BSN: variants seen among roughly 807,000 people sequenced by gnomAD.
BSN encodes bassoon presynaptic cytomatrix protein.
Under a neutral mutation model 264.8 loss-of-function variants are expected in BSN, and 57 were observed. That is an observed-to-expected ratio of 0.22 (90% CI 0.17 to 0.27). The LOEUF (loss-of-function observed/expected upper bound fraction) is 0.27, where lower values mean the gene tolerates loss of function less well. Among genes scored for constraint, BSN ranks in the 10% least tolerant of loss-of-function variants. BSN has a pLI of 1.00. For missense variants in BSN, 4,615 were observed against 5,232.5 expected (o/e 0.88, Z 3.64); for synonymous variants, 2,059 against 2,137.3 (o/e 0.96, Z 1.01).
At position 49,625,640 on chromosome 3, in the gene BSN, C is replaced by T. The variant is rs569265198; in HGVS notation, c.633+257C>T. On this transcript the variant is annotated intron_variant, in intron 2 of 11. Transcript: ENST00000296452. The surrounding 1 kb of genome is among the most constrained non-coding windows in gnomAD (Gnocchi z 4.4). ...CTGAGAGTAGAAGATACTTTCTAACCTGGTCCAAGTTTGGTCTGGAAAAAT... is the reference window on the plus strand; with the variant it reads ...CTGAGAGTAGAAGATACTTTCTAACTTGGTCCAAGTTTGGTCTGGAAAAAT... Among the ~76,000 whole-genome samples the T allele has an allele frequency of 1.3e-5, 2 of 152,218 alleles. No individual in the cohort carries two copies. The highest frequency in any genetic ancestry group is 2.9e-5 in the Non-Finnish European group (2 of 68,050).
At chr3:49,569,421 A>G (rs2051779722) in intron 1 of BSN, among the ~76,000 whole-genome samples, 1 of 152,220 alleles carries the variant, frequency 6.6e-6, no homozygotes, top group Admixed American at 6.5e-5. Flanking sequence ...AGCACTCAGC[A>G]TGAGGCCTGC....
At chr3:49,575,473 T>G (rs2051837822) in intron 1 of BSN, among the ~76,000 whole-genome samples, 1 of 147,900 alleles carries the variant, frequency 6.8e-6, no homozygotes, top group East Asian at 1.9e-4. Flanking sequence ...TATATATATG[T>G]GTATATATGT....
chr3:49,588,919 GTTT>G (rs752329033), intron 1 of BSN, among the ~76,000 whole-genome samples: 1 of 141,276 alleles, frequency 7.1e-6, no homozygotes, highest in Admixed American at 7.1e-5. Flanking sequence ...TGGGTGGAGT[GTTT>G]TTTTTTTTTT....
chr3:49,576,108 C>A (rs1038554792), intron 1 of BSN, among the ~76,000 whole-genome samples: 13 of 152,102 alleles, frequency 8.5e-5, no homozygotes, highest in African/African-American at 3.1e-4. Flanking sequence ...ATTAGAGTAA[C>A]CGCTGGTGCC....
intron 1 of BSN, among the ~76,000 whole-genome samples, chr3:49,606,556 T>C (rs1055271044): frequency 6.6e-6 from 1 of 151,580 alleles, no homozygotes; most frequent in Non-Finnish European, 1.5e-5. Context: ...CACTACGAGG[T>C]AGCCAGCATC....
chr3:49,584,100 G>A (rs916268325), intron 1 of BSN, among the ~76,000 whole-genome samples: 9 of 151,820 alleles, frequency 5.9e-5, no homozygotes, highest in Admixed American at 3.3e-4. Context: ...TTAGCCAGGA[G>A]GGTCTCGATC....
intron 1 of BSN, among the ~76,000 whole-genome samples, chr3:49,567,373 C>A (rs2051760190): frequency 6.6e-6 from 1 of 152,180 alleles, no homozygotes; most frequent in South Asian, 2.1e-4. Flanking sequence ...TACCGTCATT[C>A]TGCACAATAA....
chr3:49,626,971 A>G (rs571679484), intron 2 of BSN, among the ~76,000 whole-genome samples: 3 of 152,344 alleles, frequency 2.0e-5, no homozygotes, highest in South Asian at 4.1e-4. Flanking sequence ...TGTGCCTGGA[A>G]AAACAGCAGA....
Position 49,623,641 on chromosome 3 carries a change from G to C in BSN, c.225-1334G>C, listed in dbSNP as rs562466862. Among the ~76,000 whole-genome samples the C allele has an allele frequency of 3.3e-5, 5 of 152,320 alleles. No homozygotes were observed. In the South Asian group the frequency reaches 8.3e-4, roughly 25 times the overall value. On this transcript the variant is annotated intron_variant, in intron 1 of 11. Coordinates refer to ENST00000296452, the MANE Select transcript of BSN (RefSeq NM_003458.4). ...TCCAGCCCCACCCAGCTTCACACTAGTGGAAAAGTAACACTTTATCCCATC... is the reference window on the plus strand; with the variant it reads ...TCCAGCCCCACCCAGCTTCACACTACTGGAAAAGTAACACTTTATCCCATC...
chr3:49,646,950 C>T lies in BSN; in HGVS notation c.1519-3662C>T, dbSNP rs1466436250. Among the ~76,000 whole-genome samples the T allele has an allele frequency of 2.6e-5, 4 of 152,198 alleles. No individual in the cohort carries two copies. The East Asian group carries it at 7.7e-4, about 29-fold the overall frequency. ...CAGAGTCAGGAGAGGAATAGCAGCA[C>T]CAGTGATGGCCATCCCTGTGGTCCA... On this transcript the variant is annotated intron_variant, in intron 3 of 11. Coordinates refer to ENST00000296452, the MANE Select transcript of BSN (RefSeq NM_003458.4).
chr3:49,593,960 G>A lies in BSN; in HGVS notation c.225-31015G>A, dbSNP rs75901509. Among the ~76,000 whole-genome samples, 8,344 of 151,668 alleles carry A rather than the reference G, an allele frequency of 0.055. 1,737 individuals carry two copies. The East Asian group carries it at 0.62, about 11-fold the overall frequency. On this transcript the variant is annotated intron_variant, in intron 1 of 11. Transcript: ENST00000296452. ...TGGGACTACAGGCACCCGCCACCAC[G>A]CCTTCCTAATTTTTTGTATTTTTAG...
chr3:49,663,212 C>T lies in BSN; in HGVS notation c.11054C>T (p.Pro3685Leu). ...CATGAGGCCCGGCCCCACTCTCAGC[C>T]CAGCTCTGCTCCAGCTATGCCGAAG... Reference protein sequence around the residue: ...GRHEARPHSQPSSAPAMPKKG... With the variant: ...GRHEARPHSQLSSAPAMPKKG... Residue 3685 changes from proline to leucine, a missense_variant, in exon 7 of 12, where the codon CCC (proline) becomes CTC (leucine). Coordinates refer to ENST00000296452, the MANE Select transcript of BSN (RefSeq NM_003458.4). 2 of 1,614,078 alleles carry T rather than the reference C, an allele frequency of 1.2e-6. No individual in the cohort carries two copies. The highest frequency in any genetic ancestry group is 8.5e-7 in the Non-Finnish European group (1 of 1,180,018).
chr3:49,661,584 A>T lies in BSN; in HGVS notation c.9739A>T (p.Thr3247Ser). 6.2e-7 allele frequency: 1 copy of T among 1,613,904 alleles called. No individual in the cohort carries two copies. Among genetic ancestry groups the T allele is most frequent in the Non-Finnish European group, 8.5e-7 (1 of 1,180,050 alleles). The stretch of plus-strand genomic sequence containing the variant: ...TGAACTGACCAAGGACAGCACCTCT[A>T]CTGCTCCTGATAGCCAACGGCTGGA... ...ISELTKDSTS[T>S]APDSQRLEPL... Residue 3247 changes from threonine to serine, a missense_variant, in exon 6 of 12, where the codon ACT becomes TCT. Transcript: ENST00000296452.
rs145880557 is a variant in BSN, at chr3:49,654,001, C to T, written c.4445C>T (p.Pro1482Leu). The change falls in exon 5 of 12, where the codon CCG (proline) becomes CTG (leucine). Residue 1482 changes from proline (P) to leucine (L), a missense_variant. By Grantham distance (98) the Pro-to-Leu change is moderately conservative. This residue lies in a region of BSN where 3,415 missense variants were observed against 3,866.4 expected (regional missense o/e 0.88). Coordinates refer to ENST00000296452, the MANE Select transcript of BSN (RefSeq NM_003458.4). This position sits in a 1 kb window ranked among gnomAD's most constrained non-coding sequence, Gnocchi z 4.1. ...YFASSSPPLS[P>L]SSPSESPTFS... is the part of the protein sequence containing the mutation. ...GCAAGCTCCAGCCCACCTCTCTCCC[C>T]GTCTTCCCCCTCAGAGAGTCCCACA... 6,939 of 1,613,978 alleles carry T rather than the reference C, an allele frequency of 4.3e-3. 28 individuals are homozygous for T. The highest frequency in any genetic ancestry group is 5.4e-3 in the Non-Finnish European group (6,386 of 1,179,994).
intron 1 of BSN, among the ~76,000 whole-genome samples, chr3:49,582,714 G>A (rs1575428823): frequency 6.6e-6 from 1 of 152,024 alleles, no homozygotes; most frequent in African/African-American, 2.4e-5. Context: ...GCACATCGTT[G>A]TCTTGTTTCT....
chr3:49,573,127 C>T (rs1559594937), intron 1 of BSN, among the ~76,000 whole-genome samples: 1 of 152,178 alleles, frequency 6.6e-6, no homozygotes, highest in Non-Finnish European at 1.5e-5. Flanking sequence ...ACTTTAATCA[C>T]ATACAAATCA....
intron 1 of BSN, among the ~76,000 whole-genome samples, chr3:49,602,527 C>A (rs891957995): frequency 3.3e-5 from 5 of 151,634 alleles, no homozygotes; most frequent in Admixed American, 1.3e-4. Flanking sequence ...CTCACTGCAA[C>A]CTCCGCCTCC....
chr3:49,599,170 G>A (rs188979990), intron 1 of BSN, among the ~76,000 whole-genome samples: 3 of 152,254 alleles, frequency 2.0e-5, no homozygotes, highest in Non-Finnish European at 2.9e-5. Flanking sequence ...GAGGTCTTTC[G>A]TACTGGTGAG....
chr3:49,567,892 T>C (rs576031109), intron 1 of BSN, among the ~76,000 whole-genome samples: 1 of 152,276 alleles, frequency 6.6e-6, no homozygotes, highest in Admixed American at 6.5e-5. Context: ...ATCAATTATA[T>C]GTTTGAGAGT....
Sources: allele counts gnomAD v4.1 joint callset (sites outside exome capture counted in the v4.1 genomes callset), GRCh38; gene constraint gnomAD v4.1.1; regional missense constraint gnomAD v4.1.1; non-coding constraint Gnocchi (gnomAD v3.1); transcripts MANE v1.5; gene names NCBI Gene and HGNC (gene_info 2026-07-23, HGNC 2026-07-21).